Variants in USP31 observed in about 807,000 individuals in gnomAD.
USP31 encodes ubiquitin specific peptidase 31, also known as ubiquitin carboxyl-terminal hydrolase 31.
Under a neutral mutation model 119.4 loss-of-function variants are expected in USP31, and 44 were observed. The ratio of observed to expected loss-of-function variants is 0.37; its 90% CI spans 0.29 to 0.47. The LOEUF (loss-of-function observed/expected upper bound fraction) is 0.47, where lower values mean the gene tolerates loss of function less well. Ranked by LOEUF, USP31 falls within the 20% of genes least tolerant of loss-of-function variation. The pLI is 0.99. For missense variants in USP31, 1,643 were observed against 1,730.2 expected (o/e 0.95, Z 0.89); for synonymous variants, 749 against 705.6 (o/e 1.06, Z -0.97).
chr16:23,122,599 A>G (rs1177285167), intron 1 of USP31, among the ~76,000 whole-genome samples: 1 of 152,264 alleles, frequency 6.6e-6, no homozygotes, highest in Non-Finnish European at 1.5e-5. Context: ...AAATATTCAT[A>G]TAATAGAATA....
chr16:23,071,569 A>T (rs1359345172), intron 15 of USP31, among the ~76,000 whole-genome samples: 2 of 152,218 alleles, frequency 1.3e-5, no homozygotes, highest in Non-Finnish European at 2.9e-5. Context: ...TGTACTAAAA[A>T]GAACATTCCA....
chr16:23,107,060 C>T (rs986658699), intron 2 of USP31, among the ~76,000 whole-genome samples: 3 of 151,156 alleles, frequency 2.0e-5, no homozygotes, highest in Non-Finnish European at 2.9e-5. Flanking sequence ...TGTGGTGAGC[C>T]GAGACTGTGC....
At chr16:23,135,137 TA>T (rs71151697) in intron 1 of USP31, among the ~76,000 whole-genome samples, 34,543 of 127,732 alleles carry the variant, frequency 0.27, 4,182 homozygotes, top group Admixed American at 0.34. Context: ...TTTCATGATT[TA>T]AAAAAAAAAA....
intron 5 of USP31, among the ~76,000 whole-genome samples, chr16:23,104,878 T>C (rs897231111): frequency 5.3e-5 from 8 of 152,226 alleles, no homozygotes; most frequent in Non-Finnish European, 1.2e-4. Context: ...TCAACATAAC[T>C]GCTTATCAAA....
intron 14 of USP31, among the ~76,000 whole-genome samples, chr16:23,073,432 C>T (rs548680881): frequency 6.6e-6 from 1 of 152,122 alleles, no homozygotes; most frequent in Non-Finnish European, 1.5e-5. Flanking sequence ...TAGTATGCCA[C>T]GCTGCTTTTC....
At chr16:23,072,598 G>C (rs927168687) in intron 14 of USP31, 2 of 497,258 alleles carry the variant, frequency 4.0e-6, no homozygotes, top group African/African-American at 3.8e-5. Context: ...ACAAAGAGAA[G>C]AGAGGATGCG....
At position 23,141,516 on chromosome 16, in the gene USP31, C is replaced by G. The variant is rs549199384; in HGVS notation, c.633+7122G>C. ...CCTCAGCCTCCGAAGTAGCTGGAACCACAGGTGTGTGCCACCACGCCCGGC... is the reference window on the plus strand; with the variant it reads ...CCTCAGCCTCCGAAGTAGCTGGAACGACAGGTGTGTGCCACCACGCCCGGC... On this transcript the variant is annotated intron_variant, in intron 1 of 15. Coordinates refer to ENST00000219689, the MANE Select transcript of USP31 (RefSeq NM_020718.4). Among the ~76,000 whole-genome samples, 27 of 152,074 alleles carry G rather than the reference C, an allele frequency of 1.8e-4. No individual in the cohort carries two copies. In the South Asian group the frequency reaches 5.6e-3, roughly 32 times the overall value.
intron 10 of USP31, 111 bp downstream of exon 10, chr16:23,085,474 G>C (rs1901066438): frequency 2.0e-6 from 2 of 986,622 alleles, no homozygotes; most frequent in Non-Finnish European, 3.1e-6. Context: ...TGGATACTTA[G>C]CTAAAGAGAA....
chr16:23,106,126 A>G (rs1313682600), intron 4 of USP31, 87 bp downstream of exon 4: 31 of 1,341,968 alleles, frequency 2.3e-5, no homozygotes, highest in Non-Finnish European at 3.0e-5. Flanking sequence ...ACCTGTCTAA[A>G]TAAGTAAGAA....
At position 23,067,969 on chromosome 16, in the gene USP31, A is replaced by C; in HGVS notation, c.*77T>G. On this transcript the variant is annotated 3_prime_UTR_variant, in exon 16 of 16. Coordinates refer to ENST00000219689, the MANE Select transcript of USP31 (RefSeq NM_020718.4). ...TCAAAAAAGTACAAAACAAAAGCAC[A>C]GGAGGCTTTGGTGGGAGGGCAGGGG... is the stretch of plus-strand genomic sequence containing the variant. The C allele has an allele frequency of 6.6e-7, 1 of 1,514,276 alleles. No individual in the cohort carries two copies. Among genetic ancestry groups the C allele is most frequent in the Non-Finnish European group, 8.8e-7 (1 of 1,135,166 alleles). 93.8% of individuals were successfully genotyped at this position (1,514,276 alleles called of 1,614,324 possible).
At chr16:23,123,874 C>G (rs1902761490) in intron 1 of USP31, among the ~76,000 whole-genome samples, 1 of 152,028 alleles carries the variant, frequency 6.6e-6, no homozygotes, top group African/African-American at 2.4e-5. Flanking sequence ...GTGGCGCACA[C>G]CTGTGGTCCC....
At chr16:23,078,290 G>A (rs1315191033) in intron 13 of USP31, among the ~76,000 whole-genome samples, 2 of 143,612 alleles carry the variant, frequency 1.4e-5, no homozygotes, top group African/African-American at 5.2e-5. Context: ...CCAGCCTGGT[G>A]AGAGAGCGAG....
intron 1 of USP31, among the ~76,000 whole-genome samples, chr16:23,144,005 C>T (rs895187539): frequency 6.6e-6 from 1 of 152,128 alleles, no homozygotes; most frequent in Non-Finnish European, 1.5e-5. Flanking sequence ...TGGCTAGAGA[C>T]ATTTTTTACA....
chr16:23,146,691 T>C (rs890391727), intron 1 of USP31, among the ~76,000 whole-genome samples: 35 of 152,224 alleles, frequency 2.3e-4, no homozygotes, highest in African/African-American at 8.2e-4. Flanking sequence ...GTAAAAAGTA[T>C]TAAACGGGGA....
Position 23,148,942 on chromosome 16 carries a change from G to GGCGGCGGGC in USP31, c.320_328dup (p.Pro109_Pro110insArgProPro). The GGCGGCGGGC allele has an allele frequency of 4.4e-6, 5 of 1,123,932 alleles. No individual in the cohort carries two copies. Among genetic ancestry groups the GGCGGCGGGC allele is most frequent in the Non-Finnish European group, 4.4e-6 (4 of 916,824 alleles). 69.6% of individuals were successfully genotyped at this position (1,123,932 alleles called of 1,614,324 possible). On this transcript the variant is annotated inframe_insertion, in exon 1 of 16. Transcript: ENST00000219689. ...AGCGGGCGGCGCGGGAGAGGCGGGCGGCGGCGGGCACGGCGGCGGCGTGGG... is the reference window on the plus strand; with the variant it reads ...AGCGGGCGGCGCGGGAGAGGCGGGCGGCGGCGGGCGCGGCGGGCACGGCGGCGGCGTGGG...
chr16:23,136,139 C>A (rs1903182601), intron 1 of USP31, among the ~76,000 whole-genome samples: 1 of 152,148 alleles, frequency 6.6e-6, no homozygotes. Flanking sequence ...CCTGGGAAAA[C>A]TGGACAGCCA....
At position 23,064,124 on chromosome 16, in the gene USP31, TAC is replaced by T. The variant is rs1251244120; in HGVS notation, c.*3920_*3921del. The T allele has an allele frequency of 1.3e-5, 2 of 152,654 alleles. No homozygotes were observed. The highest frequency in any genetic ancestry group is 4.8e-5 in the African/African-American group (2 of 41,472). The allele number at this position is 152,654 out of a possible 1,614,324, so 9.5% of individuals were successfully genotyped here. On this transcript the variant is annotated 3_prime_UTR_variant, in exon 16 of 16. Transcript: ENST00000219689. ...TACAAAGTTCCACGCACCTCCAGAA[TAC>T]GTGTTTTATTGAAACTGTGCTTATG...
intron 1 of USP31, among the ~76,000 whole-genome samples, chr16:23,132,272 G>A (rs1903052659): frequency 6.6e-6 from 1 of 151,174 alleles, no homozygotes; most frequent in Admixed American, 6.6e-5. Context: ...AAGCAACAGA[G>A]GACATAACTT....
chr16:23,087,273 T>A, intron 8 of USP31, 87 bp from the exon 9 acceptor site: 1 of 1,164,310 alleles, frequency 8.6e-7, no homozygotes, highest in Non-Finnish European at 1.3e-6. Flanking sequence ...AGATTAGAGT[T>A]ACAGTAAACT....
Sources: gnomAD v4.1 joint callset for allele counts (sites outside exome capture counted in the v4.1 genomes callset) on GRCh38, gnomAD v4.1.1 for gene constraint, MANE v1.5 for transcripts, NCBI Gene and HGNC (gene_info 2026-07-23, HGNC 2026-07-21) for gene names.